Variants in OPCML observed in about 807,000 individuals in gnomAD.
OPCML encodes opioid-binding protein/cell adhesion molecule.
OPCML carries 13 observed loss-of-function variants against 37.8 expected under a neutral mutation model. That is an observed-to-expected ratio of 0.34 (90% confidence interval 0.22 to 0.55). The LOEUF (loss-of-function observed/expected upper bound fraction) is 0.55, where lower values mean the gene tolerates loss of function less well. Among genes scored for constraint, OPCML ranks in the 20% least tolerant of loss-of-function variants. The probability of loss-of-function intolerance (pLI) is 0.91; values close to 1 mark genes in which losing one functional copy is unlikely to be tolerated. For synonymous variants in OPCML, 176 were observed against 168.8 expected (o/e 1.04, Z -0.33); for missense variants, 341 against 435.6 (o/e 0.78, Z 1.93).
intron 1 of OPCML, among the ~76,000 whole-genome samples, chr11:133,406,935 A>C (rs183481286): frequency 6.6e-6 from 1 of 152,350 alleles, no homozygotes; most frequent in East Asian, 1.9e-4. Flanking sequence ...TAAATACATC[A>C]GTGATCACTT....
chr11:133,275,745 A>G (rs1354813444), intron 1 of OPCML, among the ~76,000 whole-genome samples: 3 of 152,212 alleles, frequency 2.0e-5, no homozygotes, highest in Non-Finnish European at 2.9e-5. Flanking sequence ...GCACCCAGAA[A>G]GGCGCCTGGC....
intron 1 of OPCML, among the ~76,000 whole-genome samples, chr11:133,333,934 A>T (rs868666905): frequency 2.0e-5 from 3 of 152,244 alleles, no homozygotes; most frequent in South Asian, 4.1e-4. Context: ...AATCAAAACC[A>T]CAGTGAGATA....
chr11:133,142,362 A>G (rs569016608), intron 1 of OPCML, among the ~76,000 whole-genome samples: 1 of 152,320 alleles, frequency 6.6e-6, no homozygotes, highest in East Asian at 1.9e-4. Flanking sequence ...TATTGCTCCC[A>G]AGACCTATGT....
At chr11:132,540,963 G>A (rs192155308) in intron 3 of OPCML, among the ~76,000 whole-genome samples, 7 of 151,938 alleles carry the variant, frequency 4.6e-5, no homozygotes, top group Admixed American at 1.3e-4. Flanking sequence ...TTTCCCCCCC[G>A]ACTTGTAGGC....
chr11:132,595,316 C>T (rs931617984), intron 3 of OPCML, among the ~76,000 whole-genome samples: 2 of 152,028 alleles, frequency 1.3e-5, no homozygotes, highest in Non-Finnish European at 2.9e-5. Context: ...AATAATATTT[C>T]TACAGAAATG....
intron 2 of OPCML, among the ~76,000 whole-genome samples, chr11:132,867,093 T>C (rs915963760): frequency 2.6e-5 from 4 of 152,206 alleles, no homozygotes; most frequent in Non-Finnish European, 5.9e-5. Flanking sequence ...TTGAGCTCAC[T>C]TAGAGAAAAA....
intron 1 of OPCML, among the ~76,000 whole-genome samples, chr11:133,079,570 CA>C (rs1218331510): frequency 5.3e-5 from 8 of 150,550 alleles, no homozygotes; most frequent in South Asian, 2.3e-4. Flanking sequence ...TCTGGGGTGA[CA>C]AAAAAATGAC....
At chr11:132,675,155 A>G (rs868260794) in intron 2 of OPCML, among the ~76,000 whole-genome samples, 11 of 144,074 alleles carry the variant, frequency 7.6e-5, no homozygotes, top group African/African-American at 1.8e-4. Context: ...ATATATATGT[A>G]TGTGTGTGTG....
chr11:132,666,959 G>T (rs1591698496), intron 2 of OPCML, among the ~76,000 whole-genome samples: 1 of 152,328 alleles, frequency 6.6e-6, no homozygotes, highest in South Asian at 2.1e-4. Context: ...AGGGACCATT[G>T]CATCCCTATA....
intron 2 of OPCML, among the ~76,000 whole-genome samples, chr11:132,710,383 A>G (rs1944211920): frequency 6.6e-6 from 1 of 152,210 alleles, no homozygotes; most frequent in African/African-American, 2.4e-5. Context: ...CAAATAATCA[A>G]TAAGTAAAGT....
intron 5 of OPCML, 85 bp from the exon 6 acceptor site, chr11:132,436,864 C>T (rs1322663479): frequency 5.8e-6 from 9 of 1,540,138 alleles, no homozygotes; most frequent in Non-Finnish European, 7.9e-6. Context: ...AAGGGCACAT[C>T]CAGCCATTTG....
chr11:132,749,734 G>T (rs548861822), intron 2 of OPCML, among the ~76,000 whole-genome samples: 1 of 152,156 alleles, frequency 6.6e-6, no homozygotes, highest in African/African-American at 2.4e-5. Context: ...GGTATTGGAC[G>T]ATGAGAATTC....
intron 4 of OPCML, among the ~76,000 whole-genome samples, chr11:132,464,345 G>A (rs538160557): frequency 1.3e-4 from 20 of 152,248 alleles, no homozygotes; most frequent in Middle Eastern, 3.4e-3. Context: ...TTCACACCAC[G>A]TGACATTATA....
intron 3 of OPCML, among the ~76,000 whole-genome samples, chr11:132,647,926 C>G (rs548605240): frequency 6.6e-6 from 1 of 152,080 alleles, no homozygotes; most frequent in African/African-American, 2.4e-5. Context: ...ATTTAGTGAA[C>G]GAAGAGTAAA....
At chr11:132,741,538 T>C (rs1945433129) in intron 2 of OPCML, among the ~76,000 whole-genome samples, 1 of 152,064 alleles carries the variant, frequency 6.6e-6, no homozygotes, top group Non-Finnish European at 1.5e-5. Context: ...GAGAATTAAA[T>C]GAGGCAATAA....
chr11:133,264,614 C>A (rs973192453), intron 1 of OPCML, among the ~76,000 whole-genome samples: 1 of 152,088 alleles, frequency 6.6e-6, no homozygotes, highest in Non-Finnish European at 1.5e-5. Context: ...CTGGTGTCAA[C>A]GAGAAATCAG....
At chr11:132,992,085 G>A (rs1946791745) in intron 1 of OPCML, among the ~76,000 whole-genome samples, 1 of 152,090 alleles carries the variant, frequency 6.6e-6, no homozygotes, top group African/African-American at 2.4e-5. Context: ...TTGTATTGAT[G>A]AAGAAGCTAA....
intron 1 of OPCML, among the ~76,000 whole-genome samples, chr11:133,277,258 C>T (rs1047099667): frequency 5.3e-5 from 8 of 152,120 alleles, no homozygotes; most frequent in Non-Finnish European, 1.2e-4. Context: ...GTCAATTTGC[C>T]TCCCTGTTCT....
intron 1 of OPCML, among the ~76,000 whole-genome samples, chr11:133,466,419 G>A (rs1420496490): frequency 6.6e-6 from 1 of 152,196 alleles, no homozygotes; most frequent in Non-Finnish European, 1.5e-5. Flanking sequence ...TCTTCTGGAA[G>A]AAGTAGAACC....
Sources: allele counts gnomAD v4.1 joint callset (sites outside exome capture counted in the v4.1 genomes callset), GRCh38; gene constraint gnomAD v4.1.1; transcripts MANE v1.5; gene names NCBI Gene and HGNC (gene_info 2026-07-23, HGNC 2026-07-21).